NEGR1: variants seen among roughly 807,000 people sequenced by gnomAD.
NEGR1 encodes IgLON family member 4.
NEGR1 carries 10 observed loss-of-function variants against 40.9 expected under a neutral mutation model. The observed-to-expected ratio is 0.24, with a 90% CI of 0.15 to 0.42. The LOEUF is 0.42. Ranked by LOEUF, NEGR1 falls within the 10% of genes least tolerant of loss-of-function variation. The probability of loss-of-function intolerance (pLI) is 1.00; values close to 1 mark genes in which losing one functional copy is unlikely to be tolerated. For synonymous variants in NEGR1, 185 were observed against 166.8 expected, an observed-to-expected ratio of 1.11 and a Z score of -0.84; for missense variants, 352 against 438.9, an observed-to-expected ratio of 0.80 and a Z score of 1.77.
chr1:72,115,592 A>C (rs187281276), intron 1 of NEGR1, among the ~76,000 whole-genome samples: 22 of 151,814 alleles, frequency 1.4e-4, no homozygotes, highest in Middle Eastern at 3.4e-3. Context: ...TGAGCCTGAC[A>C]AAAGAGTCTG....
chr1:72,225,995 C>CA (rs1304295416), intron 1 of NEGR1, among the ~76,000 whole-genome samples: 1 of 151,432 alleles, frequency 6.6e-6, no homozygotes, highest in Non-Finnish European at 1.5e-5. Context: ...ATGTCGTAGA[C>CA]AAAAAACTTC....
At chr1:72,104,634 C>T (rs1197429666) in intron 1 of NEGR1, among the ~76,000 whole-genome samples, 1 of 152,114 alleles carries the variant, frequency 6.6e-6, no homozygotes, top group African/African-American at 2.4e-5. Context: ...TGCTACACAA[C>T]AGCAGGAACC....
intron 6 of NEGR1, among the ~76,000 whole-genome samples, chr1:71,551,728 C>A (rs1648081016): frequency 6.6e-6 from 1 of 151,522 alleles, no homozygotes; most frequent in Admixed American, 6.6e-5. Flanking sequence ...TGCACAGAGA[C>A]TCCAATTGAT....
intron 1 of NEGR1, among the ~76,000 whole-genome samples, chr1:71,999,238 A>G (rs1455772702): frequency 6.6e-6 from 1 of 151,954 alleles, no homozygotes; most frequent in Admixed American, 6.6e-5. Flanking sequence ...TTACTTGGAA[A>G]AATATCTTCT....
intron 1 of NEGR1, among the ~76,000 whole-genome samples, chr1:72,279,781 G>C (rs934473420): frequency 1.3e-5 from 2 of 152,272 alleles, no homozygotes; most frequent in Admixed American, 6.5e-5. Context: ...ACCAGCTGTA[G>C]AGAAGAGTCA....
intron 2 of NEGR1, among the ~76,000 whole-genome samples, chr1:71,804,836 A>T (rs1444631514): frequency 6.6e-6 from 1 of 152,188 alleles, no homozygotes; most frequent in Admixed American, 6.5e-5. Flanking sequence ...GGATAACAGC[A>T]ATGATAAGGG....
chr1:71,899,391 G>A lies in NEGR1; in HGVS notation c.409+35688C>T, dbSNP rs750512660. 2.8e-4 allele frequency among the ~76,000 whole-genome samples: 43 copies of A among 151,990 alleles called. 1 individual carries two copies. Among genetic ancestry groups the A allele is most frequent in the South Asian group, 8.3e-4 (4 of 4,832 alleles). ...ATGCAGATGGGAAGGCAGATAGGAAGGCACTAGACCAGATTAAGAAGGTTG... is the reference window on the plus strand; with the variant it reads ...ATGCAGATGGGAAGGCAGATAGGAAAGCACTAGACCAGATTAAGAAGGTTG... On this transcript the variant is annotated intron_variant, in intron 2 of 6. Transcript: ENST00000357731.
At chr1:71,531,064 ACT>A (rs1366148544) in intron 6 of NEGR1, among the ~76,000 whole-genome samples, 1 of 150,990 alleles carries the variant, frequency 6.6e-6, no homozygotes, top group East Asian at 2.0e-4. Context: ...ACAAATGGAA[ACT>A]CTGAGTATAG....
At chr1:71,774,016 A>G (rs1004325848) in intron 3 of NEGR1, among the ~76,000 whole-genome samples, 1 of 152,232 alleles carries the variant, frequency 6.6e-6, no homozygotes, top group African/African-American at 2.4e-5. Flanking sequence ...TACAAAAATT[A>G]TATTACCATA....
intron 6 of NEGR1, among the ~76,000 whole-genome samples, chr1:71,474,876 C>A (rs1294083822): frequency 6.6e-6 from 1 of 151,808 alleles, no homozygotes; most frequent in Non-Finnish European, 1.5e-5. Flanking sequence ...AGATAAACCA[C>A]TAAAAGAACA....
At chr1:71,420,668 A>G (rs1230199732) in intron 6 of NEGR1, among the ~76,000 whole-genome samples, 1 of 152,068 alleles carries the variant, frequency 6.6e-6, no homozygotes, top group Non-Finnish European at 1.5e-5. Context: ...TAGCCAGAAG[A>G]CACTCAAGTC....
chr1:71,750,697 T>C (rs1655542928), intron 3 of NEGR1, among the ~76,000 whole-genome samples: 1 of 152,052 alleles, frequency 6.6e-6, no homozygotes, highest in Non-Finnish European at 1.5e-5. Flanking sequence ...CCATAACATG[T>C]GGGAATGGTA....
chr1:72,086,295 G>C (rs1648219668), intron 1 of NEGR1, among the ~76,000 whole-genome samples: 1 of 152,176 alleles, frequency 6.6e-6, no homozygotes, highest in Non-Finnish European at 1.5e-5. Context: ...AAGACAGACT[G>C]TATGACACCA....
intron 4 of NEGR1, among the ~76,000 whole-genome samples, chr1:71,694,683 G>T (rs796877016): frequency 7.9e-5 from 12 of 151,798 alleles, no homozygotes; most frequent in African/African-American, 2.7e-4. Context: ...GTGTATTAGA[G>T]AAATAATAAA....
At chr1:71,413,708 A>C (rs1273723742) in intron 6 of NEGR1, among the ~76,000 whole-genome samples, 1 of 152,140 alleles carries the variant, frequency 6.6e-6, no homozygotes, top group Non-Finnish European at 1.5e-5. Flanking sequence ...TGTCTCAGGT[A>C]TGAAGCAAAA....
chr1:72,102,574 T>C (rs994489694), intron 1 of NEGR1, among the ~76,000 whole-genome samples: 2 of 152,072 alleles, frequency 1.3e-5, no homozygotes, highest in Non-Finnish European at 2.9e-5. Flanking sequence ...GCTTTGTAAC[T>C]TTTTGCTAAT....
chr1:71,734,004 T>G (rs1474965291), intron 3 of NEGR1, among the ~76,000 whole-genome samples: 2 of 152,208 alleles, frequency 1.3e-5, no homozygotes, highest in East Asian at 1.9e-4. Flanking sequence ...ATTAATCATT[T>G]GAAATGCTCA....
intron 3 of NEGR1, among the ~76,000 whole-genome samples, chr1:71,754,513 G>A (rs139375097): frequency 1.3e-3 from 201 of 152,246 alleles, no homozygotes; most frequent in African/African-American, 4.6e-3. Context: ...GAAGCCAAAT[G>A]ATAGATACAT....
intron 5 of NEGR1, among the ~76,000 whole-genome samples, chr1:71,610,510 C>T (rs1415261538): frequency 1.3e-5 from 2 of 152,154 alleles, no homozygotes; most frequent in African/African-American, 4.8e-5. Context: ...CTGGTTAGTC[C>T]TTTAGGCATG....
Sources: gnomAD v4.1 joint callset for allele counts (sites outside exome capture counted in the v4.1 genomes callset) on GRCh38, gnomAD v4.1.1 for gene constraint, MANE v1.5 for transcripts, NCBI Gene and HGNC (gene_info 2026-07-23, HGNC 2026-07-21) for gene names.